Variants in RP1L1 observed in about 807,000 individuals in gnomAD.
RP1L1 encodes retinitis pigmentosa 1-like 1 protein.
Under a neutral mutation model 15.7 loss-of-function variants are expected in RP1L1, and 27 were observed. That is an observed-to-expected ratio of 1.72 (90% CI 1.27 to 2.38). The LOEUF is 2.38. Among genes scored for constraint, RP1L1 ranks in the 30% most tolerant of loss-of-function variants. RP1L1 has a pLI of 0.00. For synonymous variants in RP1L1, 1,813 were observed against 1,276.7 expected, an observed-to-expected ratio of 1.42 and a Z score of -8.96; for missense variants, 4,798 against 3,075.9, an observed-to-expected ratio of 1.56 and a Z score of -13.24.
intron 1 of RP1L1, among the ~76,000 whole-genome samples, chr8:10,653,982 G>A (rs1414274342): frequency 2.0e-5 from 3 of 152,164 alleles, no homozygotes; most frequent in African/African-American, 4.8e-5. Flanking sequence ...TGCAGCAGCT[G>A]GGGAGGGAGC....
At position 10,631,344 on chromosome 8, in the gene RP1L1, CGCACACACAT is replaced by C. The variant is rs1292292656; in HGVS notation, c.-19-8134_-19-8125del. On this transcript the variant is annotated intron_variant, in intron 1 of 3. Coordinates refer to ENST00000382483, the MANE Select transcript of RP1L1 (RefSeq NM_178857.6). Reference sequence around the variant, plus strand: ...ACACGCACACACACATGCACACACACGCACACACATGCACACAAACACACATGCACACAAA... The same window carrying C: ...ACACGCACACACACATGCACACACACGCACACAAACACACATGCACACAAA... Among the ~76,000 whole-genome samples the C allele has an allele frequency of 1.3e-3, 78 of 58,230 alleles. 3 individuals carry two copies. The East Asian group carries it at 0.019, about 14-fold the overall frequency. 38.2% of individuals were successfully genotyped at this position (58,230 alleles called of 152,430 possible).
intron 1 of RP1L1, among the ~76,000 whole-genome samples, chr8:10,629,394 G>T (rs1333150842): frequency 6.6e-6 from 1 of 152,158 alleles, no homozygotes; most frequent in South Asian, 2.1e-4. Context: ...ACATCAAGAC[G>T]AAAAGTAAAT....
chr8:10,621,594 G>A (rs1434011996), intron 2 of RP1L1: 3 of 411,806 alleles, frequency 7.3e-6, no homozygotes, highest in Non-Finnish European at 1.5e-5. Flanking sequence ...CCAAAGTGCT[G>A]GGATTACAGG....
chr8:10,638,902 T>C (rs1273112182), intron 1 of RP1L1, among the ~76,000 whole-genome samples: 2 of 152,044 alleles, frequency 1.3e-5, no homozygotes, highest in Non-Finnish European at 2.9e-5. Context: ...CCCAGCACTT[T>C]GGGCGGTTGA....
At chr8:10,628,147 T>A (rs1261188031) in intron 1 of RP1L1, among the ~76,000 whole-genome samples, 1 of 152,116 alleles carries the variant, frequency 6.6e-6, no homozygotes, top group African/African-American at 2.4e-5. Context: ...TGGCTTTGAG[T>A]GACCTACTTG....
chr8:10,644,467 G>A (rs1441834100), intron 1 of RP1L1, among the ~76,000 whole-genome samples: 12 of 152,194 alleles, frequency 7.9e-5, no homozygotes, highest in East Asian at 1.9e-4. Flanking sequence ...CCACATGGGT[G>A]TAAGTCCCCC....
Position 10,613,161 on chromosome 8 carries a change from CCTT to C in RP1L1, c.934_936del (p.Lys312del), listed in dbSNP as rs967795092. On this transcript the variant is annotated inframe_deletion, in exon 4 of 4. Coordinates refer to ENST00000382483, the MANE Select transcript of RP1L1 (RefSeq NM_178857.6). The stretch of plus-strand genomic sequence containing the variant: ...AGGCTGCCGTCCTCATTCATGCGGA[CCTT>C]CTTCTTCATGTCATCGCCAGCCACC... 27 of 1,613,726 alleles carry C rather than the reference CCTT, an allele frequency of 1.7e-5. No individual in the cohort carries two copies. Among genetic ancestry groups the C allele is most frequent in the African/African-American group, 2.7e-5 (2 of 74,950 alleles).
At chr8:10,631,369 A>C (rs1325428908) in intron 1 of RP1L1, among the ~76,000 whole-genome samples, 1,195 of 58,842 alleles carry the variant, frequency 0.02, 44 homozygotes, top group African/African-American at 0.068. Flanking sequence ...ACAAACACAC[A>C]TGCACACAAA....
intron 2 of RP1L1, among the ~76,000 whole-genome samples, chr8:10,618,518 G>A (rs1322617915): frequency 6.6e-6 from 1 of 151,774 alleles, no homozygotes; most frequent in African/African-American, 2.4e-5. Flanking sequence ...AAAACAAAGA[G>A]CAAACAAACA....
Position 10,608,857 on chromosome 8 carries a change from C to G in RP1L1, c.5241G>C (p.Glu1747Asp), listed in dbSNP as rs1563121097. The G allele has an allele frequency of 1.2e-6, 2 of 1,614,064 alleles. No individual in the cohort carries two copies. The highest frequency in any genetic ancestry group is 1.7e-6 in the Non-Finnish European group (2 of 1,180,042). Residue 1747 changes from glutamate to aspartate, a missense_variant, in exon 4 of 4, where the codon GAG (glutamate) becomes GAC (aspartate). Coordinates refer to ENST00000382483, the MANE Select transcript of RP1L1 (RefSeq NM_178857.6). ...GPGVDEGEDG[E>D]GSQRLNRDKD... The stretch of plus-strand genomic sequence containing the variant: ...TGTCTCTGTTGAGTCTCTGGCTCCC[C>G]TCGCCATCCTCACCCTCGTCCACTC...
chr8:10,634,690 A>G (rs1403904261), intron 1 of RP1L1, among the ~76,000 whole-genome samples: 1 of 152,198 alleles, frequency 6.6e-6, no homozygotes, highest in Admixed American at 6.5e-5. Flanking sequence ...GAATGAGTCC[A>G]CAGGCCCAGG....
intron 1 of RP1L1, among the ~76,000 whole-genome samples, chr8:10,623,845 T>C (rs553784828): frequency 2.1e-4 from 32 of 150,572 alleles, no homozygotes; most frequent in Admixed American, 6.6e-4. Context: ...AGCATCATCA[T>C]GCCACTAAAA....
chr8:10,638,379 C>T (rs989653635), intron 1 of RP1L1, among the ~76,000 whole-genome samples: 3 of 151,972 alleles, frequency 2.0e-5, no homozygotes, highest in African/African-American at 2.4e-5. Flanking sequence ...AGGAGGAATT[C>T]GAGACAGTTT....
rs1585981213 is a variant in RP1L1 at position 10,623,176 on chromosome 8, T to C, written c.26A>G (p.Gln9Arg). MNSTPRNA[Q>R]APSHRECFLP... The stretch of plus-strand genomic sequence containing the variant: ...GAAGCACTCACGGTGGCTCGGGGCC[T>C]GGGCATTCCTGGGGGTGCTGTTCAT... The change falls in exon 2 of 4, where the codon CAG becomes CGG. Residue 9 changes from glutamine to arginine, a missense_variant. Physicochemically the swap from Gln to Arg is conservative, Grantham distance 43. Transcript: ENST00000382483. 2 of 1,572,244 alleles carry C rather than the reference T, an allele frequency of 1.3e-6. No individual in the cohort carries two copies. The highest frequency in any genetic ancestry group is 1.7e-6 in the Non-Finnish European group (2 of 1,158,114).
At position 10,608,586 on chromosome 8, in the gene RP1L1, G is replaced by A. The variant is rs941573085; in HGVS notation, c.5512C>T (p.Pro1838Ser). 1.2e-6 allele frequency: 2 copies of A among 1,614,174 alleles called. No individual in the cohort carries two copies. Among genetic ancestry groups the A allele is most frequent in the Admixed American group, 1.7e-5 (1 of 60,018 alleles). ...GGCTGGGCCTCCCCTTCAGCCTCCGGGGCCTCTATGCCTTCGGCCCCATCA... is the reference window on the plus strand; with the variant it reads ...GGCTGGGCCTCCCCTTCAGCCTCCGAGGCCTCTATGCCTTCGGCCCCATCA... The part of the protein sequence containing the change: ...QSDGAEGIEA[P>S]EAEGEAQPES... The change falls in exon 4 of 4, where the codon CCG becomes TCG. Residue 1838 changes from proline (P) to serine (S), a missense_variant. Coordinates refer to ENST00000382483, the MANE Select transcript of RP1L1 (RefSeq NM_178857.6).
chr8:10,617,592 T>C (rs1797990748), intron 2 of RP1L1, among the ~76,000 whole-genome samples: 1 of 136,350 alleles, frequency 7.3e-6, no homozygotes, highest in Non-Finnish European at 1.5e-5. Context: ...AGTCTCGATC[T>C]GTCACCCAGG....
At chr8:10,625,206 A>T (rs6992420) in intron 1 of RP1L1, among the ~76,000 whole-genome samples, 8,022 of 152,126 alleles carry the variant, frequency 0.053, 699 homozygotes, top group African/African-American at 0.18. Context: ...TCTTAACAAA[A>T]CATGCTGGGT....
In RP1L1 at chr8:10,610,624, C is replaced by A. The variant is rs895365924; in HGVS notation, c.3474G>T (p.Trp1158Cys). Residue 1158 changes from tryptophan (W) to cysteine (C), a missense_variant, in exon 4 of 4, where the codon TGG becomes TGT. Coordinates refer to ENST00000382483, the MANE Select transcript of RP1L1 (RefSeq NM_178857.6). ...QELLSISKDL[W>C]PGCDVGEDQL... is the part of the protein sequence containing the mutation. Reference sequence around the variant, plus strand: ...GGTCTTCCCCAACGTCACATCCTGGCCACAGGTCCTTCGAGATGCTGAGCA... The same window carrying A: ...GGTCTTCCCCAACGTCACATCCTGGACACAGGTCCTTCGAGATGCTGAGCA... The A allele has an allele frequency of 6.2e-7, 1 of 1,613,494 alleles. No individual in the cohort carries two copies. The highest frequency in any genetic ancestry group is 1.3e-5 in the African/African-American group (1 of 74,936).
chr8:10,616,487 T>G lies in RP1L1; in HGVS notation c.710A>C (p.Glu237Ala). The change falls in exon 3 of 4, where the codon GAG becomes GCG. Residue 237 changes from glutamate (E) to alanine (A), a missense_variant. Physicochemically the swap from Glu to Ala is moderately radical, Grantham distance 107. Transcript: ENST00000382483. Reference protein sequence around the residue: ...TPAMKNARRSEAETLSGLTSR... With the variant: ...TPAMKNARRSAAETLSGLTSR... Reference sequence around the variant, plus strand: ...AGTCAGCCCAGATAAAGTTTCAGCCTCGCTTCTCCTGGCATTTTTCATGGC... The same window carrying G: ...AGTCAGCCCAGATAAAGTTTCAGCCGCGCTTCTCCTGGCATTTTTCATGGC... The G allele has an allele frequency of 1.2e-6, 2 of 1,614,240 alleles. No individual in the cohort carries two copies. The highest frequency in any genetic ancestry group is 1.7e-6 in the Non-Finnish European group (2 of 1,180,038).
Sources: gnomAD v4.1 joint callset for allele counts (sites outside exome capture counted in the v4.1 genomes callset) on GRCh38, gnomAD v4.1.1 for gene constraint, MANE v1.5 for transcripts, NCBI Gene and HGNC (gene_info 2026-07-23, HGNC 2026-07-21) for gene names.